LPP: variants seen among roughly 807,000 people sequenced by gnomAD.
LPP encodes LIM domain containing preferred translocation partner in lipoma.
LPP carries 38 observed loss-of-function variants against 60.4 expected under a neutral mutation model. The ratio of observed to expected loss-of-function variants is 0.63; its 90% CI spans 0.49 to 0.83. LPP has a LOEUF of 0.83. Among genes scored for constraint, LPP ranks in the 40% least tolerant of loss-of-function variants. The pLI, the probability that LPP is intolerant of heterozygous loss-of-function variation, is 0.00. For synonymous variants in LPP, 328 were observed against 290.8 expected (o/e 1.13, Z -1.30); for missense variants, 902 against 783.6 (o/e 1.15, Z -1.80).
At chr3:188,321,777 C>T (rs1175371488) in intron 2 of LPP, among the ~76,000 whole-genome samples, 6 of 152,128 alleles carry the variant, frequency 3.9e-5, no homozygotes, top group Non-Finnish European at 7.3e-5. Flanking sequence ...CACACTAACA[C>T]GTAGAAGATG....
chr3:188,317,983 T>C (rs1269580561), intron 2 of LPP, among the ~76,000 whole-genome samples: 5 of 152,108 alleles, frequency 3.3e-5, no homozygotes, highest in Non-Finnish European at 7.4e-5. Context: ...CCTGTGTATC[T>C]GGAGTGTGGG....
At chr3:188,530,372 T>G (rs1484480584) in intron 6 of LPP, among the ~76,000 whole-genome samples, 1 of 152,252 alleles carries the variant, frequency 6.6e-6, no homozygotes, top group Non-Finnish European at 1.5e-5. Context: ...CCAAAATTTC[T>G]AAACATTTTA....
At chr3:188,166,945 C>G (rs763191073) in intron 1 of LPP, among the ~76,000 whole-genome samples, 8 of 152,094 alleles carry the variant, frequency 5.3e-5, no homozygotes, top group Non-Finnish European at 1.2e-4. Context: ...TTTGACTTTT[C>G]CTTATAGAGG....
At chr3:188,615,994 T>A (rs1844778523) in intron 7 of LPP, among the ~76,000 whole-genome samples, 1 of 152,214 alleles carries the variant, frequency 6.6e-6, no homozygotes, top group Non-Finnish European at 1.5e-5. Flanking sequence ...TAGACCTGTG[T>A]CAGATGGGTA....
At chr3:188,623,618 A>G (rs1234537830) in intron 7 of LPP, among the ~76,000 whole-genome samples, 1 of 152,184 alleles carries the variant, frequency 6.6e-6, no homozygotes, top group East Asian at 1.9e-4. Context: ...GGAAAAAATT[A>G]TTTGCTGAAG....
chr3:188,736,743 G>T (rs1722657354), intron 8 of LPP, among the ~76,000 whole-genome samples: 1 of 151,744 alleles, frequency 6.6e-6, no homozygotes, highest in Non-Finnish European at 1.5e-5. Context: ...TAGATACATA[G>T]ACATCTATAG....
intron 6 of LPP, among the ~76,000 whole-genome samples, chr3:188,590,406 C>T (rs2151085529): frequency 6.6e-6 from 1 of 152,074 alleles, no homozygotes; most frequent in East Asian, 1.9e-4. Context: ...AACCCTGCCT[C>T]TACTAAAAAA....
chr3:188,316,012 G>A (rs1037018013), intron 2 of LPP, among the ~76,000 whole-genome samples: 1 of 152,194 alleles, frequency 6.6e-6, no homozygotes, highest in Non-Finnish European at 1.5e-5. Context: ...GGTGGCTTAC[G>A]CCTATAATCC....
intron 7 of LPP, among the ~76,000 whole-genome samples, chr3:188,614,564 C>T (rs970236133): frequency 2.0e-5 from 3 of 152,106 alleles, no homozygotes; most frequent in African/African-American, 4.8e-5. Flanking sequence ...ATCATTAAGC[C>T]CAAGTAGAGG....
At chr3:188,517,756 A>G (rs1422666758) in intron 5 of LPP, among the ~76,000 whole-genome samples, 1 of 152,186 alleles carries the variant, frequency 6.6e-6, no homozygotes, top group Non-Finnish European at 1.5e-5. Context: ...CCATGAGAAC[A>G]GTATGGAGGA....
intron 5 of LPP, among the ~76,000 whole-genome samples, chr3:188,485,917 T>C (rs992801779): frequency 6.6e-6 from 1 of 151,472 alleles, no homozygotes; most frequent in Admixed American, 6.6e-5. Flanking sequence ...AACTGTTGGG[T>C]GCATGGAAGT....
At chr3:188,509,622 T>G (rs1432428558) in intron 5 of LPP, among the ~76,000 whole-genome samples, 1 of 140,112 alleles carries the variant, frequency 7.1e-6, no homozygotes, top group Non-Finnish European at 1.5e-5. Context: ...TTTTTTTTTG[T>G]CCCCTTCCTT....
intron 9 of LPP, among the ~76,000 whole-genome samples, chr3:188,807,810 A>G (rs1749634673): frequency 6.6e-6 from 1 of 152,100 alleles, no homozygotes; most frequent in African/African-American, 2.4e-5. Flanking sequence ...GTTATTTTAA[A>G]TTCCCTATCT....
chr3:188,398,261 A>T (rs1402910562), intron 3 of LPP, among the ~76,000 whole-genome samples: 1 of 152,196 alleles, frequency 6.6e-6, no homozygotes, highest in South Asian at 2.1e-4. Flanking sequence ...ATGGTAGTGG[A>T]TATCTAATCT....
intron 2 of LPP, among the ~76,000 whole-genome samples, chr3:188,242,371 G>A (rs1188288265): frequency 6.7e-6 from 1 of 150,256 alleles, no homozygotes; most frequent in Non-Finnish European, 1.5e-5. Flanking sequence ...ATTATAAAAA[G>A]AAAGAGAGAG....
At chr3:188,868,348 T>C (rs1294148951) in intron 10 of LPP, among the ~76,000 whole-genome samples, 1 of 152,192 alleles carries the variant, frequency 6.6e-6, no homozygotes, top group Admixed American at 6.5e-5. Context: ...TTATCTTTCA[T>C]GTCTAGGGGT....
At chr3:188,443,478 C>A (rs1487198117) in intron 4 of LPP, among the ~76,000 whole-genome samples, 1 of 152,160 alleles carries the variant, frequency 6.6e-6, no homozygotes, top group African/African-American at 2.4e-5. Context: ...TATTGGCCTG[C>A]ATTTATTTCT....
intron 6 of LPP, among the ~76,000 whole-genome samples, chr3:188,528,128 A>G (rs184580119): frequency 4.0e-4 from 61 of 152,296 alleles, no homozygotes; most frequent in African/African-American, 1.4e-3. Flanking sequence ...ATAGAGTATC[A>G]GAGCTTTAGT....
intron 9 of LPP, among the ~76,000 whole-genome samples, chr3:188,815,861 A>G (rs1471913286): frequency 6.6e-6 from 1 of 152,240 alleles, no homozygotes; most frequent in African/African-American, 2.4e-5. Flanking sequence ...GGTGGACTGC[A>G]GGCAGGTTCT....
Sources: gnomAD v4.1 joint callset for allele counts (sites outside exome capture counted in the v4.1 genomes callset) on GRCh38, gnomAD v4.1.1 for gene constraint, MANE v1.5 for transcripts, NCBI Gene and HGNC (gene_info 2026-07-23, HGNC 2026-07-21) for gene names.